Variants in TNKS observed in about 807,000 individuals in gnomAD.
TNKS encodes the protein tankyrase.
A neutral mutation model predicts 135.8 loss-of-function variants in TNKS; 72 were observed. That is an observed-to-expected ratio of 0.53 (90% CI 0.44 to 0.64). The LOEUF (loss-of-function observed/expected upper bound fraction) is 0.64, where lower values mean the gene tolerates loss of function less well. Among genes scored for constraint, TNKS ranks in the 30% least tolerant of loss-of-function variants. The probability of loss-of-function intolerance (pLI) is 0.00; values close to 1 mark genes in which losing one functional copy is unlikely to be tolerated. For synonymous variants in TNKS, 849 were observed against 649.3 expected (o/e 1.31, Z -4.68); for missense variants, 1,769 against 1,674.0 (o/e 1.06, Z -0.99).
chr8:9,760,183 C>G (rs958736454), intron 20 of TNKS, among the ~76,000 whole-genome samples: 1 of 152,130 alleles, frequency 6.6e-6, no homozygotes, highest in African/African-American at 2.4e-5. Flanking sequence ...ATTTTGTGAA[C>G]TATTCCATCT....
At chr8:9,669,129 G>GA (rs771254481) in intron 3 of TNKS, among the ~76,000 whole-genome samples, 4 of 152,198 alleles carry the variant, frequency 2.6e-5, no homozygotes, top group South Asian at 4.1e-4. Context: ...AATAAGAATG[G>GA]AAAAAAGGGC....
At chr8:9,636,952 G>A (rs530933540) in intron 3 of TNKS, among the ~76,000 whole-genome samples, 1 of 152,276 alleles carries the variant, frequency 6.6e-6, no homozygotes, top group Admixed American at 6.5e-5. Flanking sequence ...AATATTGTAT[G>A]TTTGATCATT....
chr8:9,581,129 C>G (rs182065339), intron 2 of TNKS, among the ~76,000 whole-genome samples: 1 of 152,082 alleles, frequency 6.6e-6, no homozygotes, highest in Non-Finnish European at 1.5e-5. Flanking sequence ...TCCCAGATGT[C>G]ATCCACTTCA....
chr8:9,624,368 A>C (rs1799979834), intron 3 of TNKS, among the ~76,000 whole-genome samples: 1 of 152,258 alleles, frequency 6.6e-6, no homozygotes, highest in African/African-American at 2.4e-5. Flanking sequence ...AGAATTCATT[A>C]ATGCTTTGCT....
chr8:9,634,594 A>T (rs900607362), intron 3 of TNKS, among the ~76,000 whole-genome samples: 2 of 152,168 alleles, frequency 1.3e-5, no homozygotes. Flanking sequence ...CTTACTGTAG[A>T]AGAAGAAGAT....
intron 3 of TNKS, among the ~76,000 whole-genome samples, chr8:9,672,681 TACAC>T (rs60210743): frequency 8.3e-4 from 70 of 84,672 alleles, no homozygotes; most frequent in African/African-American, 1.5e-3. Flanking sequence ...AAAAAACACA[TACAC>T]ACACACACAC....
At chr8:9,768,429 C>G (rs1341245148) in intron 25 of TNKS, among the ~76,000 whole-genome samples, 1 of 152,228 alleles carries the variant, frequency 6.6e-6, no homozygotes, top group Non-Finnish European at 1.5e-5. Context: ...ACGAATTTGT[C>G]TGCTGGCTCC....
intron 2 of TNKS, among the ~76,000 whole-genome samples, chr8:9,609,971 C>A (rs1279119046): frequency 6.6e-5 from 10 of 152,130 alleles, no homozygotes; most frequent in Admixed American, 2.6e-4. Flanking sequence ...CATTCTCCTG[C>A]CTCAGCCTCC....
intron 14 of TNKS, 33 bp from the exon 15 acceptor site, chr8:9,733,246 T>A (rs1585391354): frequency 2.0e-6 from 3 of 1,527,668 alleles, no homozygotes; most frequent in Non-Finnish European, 1.7e-6. Context: ...AAAGGTTTGT[T>A]TTATGACTTT....
intron 1 of TNKS, among the ~76,000 whole-genome samples, chr8:9,571,559 G>A (rs530672745): frequency 1.8e-4 from 27 of 152,110 alleles, no homozygotes; most frequent in Non-Finnish European, 3.1e-4. Flanking sequence ...CCGGGTTCAC[G>A]CCATTCTCCT....
chr8:9,720,598 T>C, intron 12 of TNKS, 53 bp downstream of exon 12: 2 of 1,535,078 alleles, frequency 1.3e-6, no homozygotes, highest in Non-Finnish European at 8.8e-7. Flanking sequence ...CCATCCCTGC[T>C]GAAATACACA....
In TNKS at chr8:9,763,178, T is replaced by TAATC. The variant is rs1563218254; in HGVS notation, c.3308_3311dup (p.Gly1105SerfsTer13). 1 of 1,606,258 alleles carries TAATC rather than the reference T, an allele frequency of 6.2e-7. No individual in the cohort carries two copies. The highest frequency in any genetic ancestry group is 8.5e-7 in the Non-Finnish European group (1 of 1,175,374). On this transcript the variant is annotated frameshift_variant, in exon 22 of 27. Transcript: ENST00000310430. LOFTEE classifies it high-confidence loss of function. ...ATCCTTATTTGACTTTTCACTGTGTTAATCAGGGAACGATTTTGCTGGATC... is the reference window on the plus strand; with the variant it reads ...ATCCTTATTTGACTTTTCACTGTGTTAATCAATCAGGGAACGATTTTGCTGGATC...
At chr8:9,664,873 A>G (rs1401400636) in intron 3 of TNKS, among the ~76,000 whole-genome samples, 1 of 152,202 alleles carries the variant, frequency 6.6e-6, no homozygotes, top group African/African-American at 2.4e-5. Flanking sequence ...ATTCCGTACT[A>G]TATTACTACA....
intron 1 of TNKS, among the ~76,000 whole-genome samples, chr8:9,573,971 A>G (rs1322188046): frequency 3.3e-5 from 5 of 152,226 alleles, no homozygotes; most frequent in Non-Finnish European, 5.9e-5. Context: ...AATGCTGAAC[A>G]TAAGTGAATG....
chr8:9,763,945 G>A (rs995642449), intron 22 of TNKS, among the ~76,000 whole-genome samples: 13 of 152,116 alleles, frequency 8.5e-5, no homozygotes, highest in African/African-American at 2.7e-4. Context: ...CTAGGAACTT[G>A]CATAGGGAAC....
intron 1 of TNKS, among the ~76,000 whole-genome samples, chr8:9,560,552 C>G (rs181886128): frequency 1.9e-3 from 194 of 99,492 alleles, no homozygotes; most frequent in African/African-American, 7.3e-3. Flanking sequence ...AAATGTCGTT[C>G]CTGTTAATAA....
chr8:9,698,299 C>A (rs1029832575), intron 5 of TNKS, among the ~76,000 whole-genome samples: 13 of 145,770 alleles, frequency 8.9e-5, no homozygotes, highest in Admixed American at 8.4e-4. Flanking sequence ...GTACCATGCT[C>A]ACTACTTGAC....
chr8:9,668,654 G>C (rs1022349872), intron 3 of TNKS, among the ~76,000 whole-genome samples: 2 of 152,278 alleles, frequency 1.3e-5, no homozygotes, highest in East Asian at 3.9e-4. Context: ...ATTTCATGAA[G>C]GAAGTTATGT....
chr8:9,685,101 T>C (rs994463716), intron 5 of TNKS, among the ~76,000 whole-genome samples: 1 of 152,144 alleles, frequency 6.6e-6, no homozygotes, highest in Admixed American at 6.5e-5. Context: ...TCTGTAAATA[T>C]TTGCTTCCAA....
Sources: allele counts gnomAD v4.1 joint callset (sites outside exome capture counted in the v4.1 genomes callset), GRCh38; gene constraint gnomAD v4.1.1; transcripts MANE v1.5; gene names NCBI Gene and HGNC (gene_info 2026-07-23, HGNC 2026-07-21).